Variants in GALNT18 observed in about 807,000 individuals in gnomAD.
GALNT18 encodes GalNAc-transferase 18.
A neutral mutation model predicts 69.5 loss-of-function variants in GALNT18; 44 were observed. That is an observed-to-expected ratio of 0.63 (90% CI 0.50 to 0.81). The LOEUF (loss-of-function observed/expected upper bound fraction) is 0.81. Among genes scored for constraint, GALNT18 ranks in the 40% least tolerant of loss-of-function variants. The pLI, the probability that GALNT18 is intolerant of heterozygous loss-of-function variation, is 0.00. For missense variants in GALNT18, 715 were observed against 810.0 expected (o/e 0.88, Z 1.42); for synonymous variants, 364 against 318.2 (o/e 1.14, Z -1.53).
chr11:11,324,561 C>G (rs1849886572), intron 9 of GALNT18, among the ~76,000 whole-genome samples: 1 of 152,170 alleles, frequency 6.6e-6, no homozygotes, highest in Admixed American at 6.5e-5. Flanking sequence ...ACATCCATGC[C>G]AACATCTATT....
intron 1 of GALNT18, among the ~76,000 whole-genome samples, chr11:11,578,774 A>G (rs1858995886): frequency 1.3e-5 from 2 of 152,218 alleles, no homozygotes; most frequent in Non-Finnish European, 2.9e-5. Context: ...CTCCTGCTGC[A>G]TTAGCAAAAT....
At chr11:11,335,821 T>A (rs1185254813) in intron 7 of GALNT18, among the ~76,000 whole-genome samples, 1 of 152,088 alleles carries the variant, frequency 6.6e-6, no homozygotes, top group Non-Finnish European at 1.5e-5. Context: ...AGGGACCCCC[T>A]CAGGGCCACC....
intron 1 of GALNT18, among the ~76,000 whole-genome samples, chr11:11,561,335 C>T (rs943484573): frequency 6.9e-6 from 1 of 145,006 alleles, no homozygotes; most frequent in Non-Finnish European, 1.5e-5. Flanking sequence ...AGAAAACCAA[C>T]ACTTCTCCAA....
chr11:11,362,407 T>C (rs893877940), intron 6 of GALNT18, among the ~76,000 whole-genome samples: 1 of 151,820 alleles, frequency 6.6e-6, no homozygotes, highest in South Asian at 2.1e-4. Flanking sequence ...TCAAGACAAG[T>C]AATAAACTGG....
chr11:11,464,873 G>A (rs79206294), intron 1 of GALNT18, among the ~76,000 whole-genome samples: 2,964 of 152,258 alleles, frequency 0.019, 94 homozygotes, highest in African/African-American at 0.066. Flanking sequence ...TGGGGTTATT[G>A]TGAGGACTGA....
At chr11:11,501,809 G>A (rs1009403323) in intron 1 of GALNT18, among the ~76,000 whole-genome samples, 9 of 152,186 alleles carry the variant, frequency 5.9e-5, no homozygotes, top group Non-Finnish European at 8.8e-5. Flanking sequence ...TCCAAGTTGC[G>A]AAGATGCCTG....
chr11:11,281,963 C>T (rs538686122), intron 10 of GALNT18, among the ~76,000 whole-genome samples: 5 of 152,020 alleles, frequency 3.3e-5, no homozygotes, highest in Admixed American at 1.3e-4. Context: ...GGTGGGGCAT[C>T]GCTGAGCAGA....
chr11:11,275,389 G>C (rs1284417728), intron 10 of GALNT18, among the ~76,000 whole-genome samples: 1 of 152,146 alleles, frequency 6.6e-6, no homozygotes, highest in Non-Finnish European at 1.5e-5. Context: ...AGATGGGGTT[G>C]TTTGTTTCTT....
rs1427968578 is a variant in GALNT18 at position 11,413,969 on chromosome 11, T to G, written c.595+18652A>C. 6.6e-6 allele frequency among the ~76,000 whole-genome samples: 1 copy of G among 152,234 alleles called. No homozygotes were observed. The highest frequency in any genetic ancestry group is 1.5e-5 in the Non-Finnish European group (1 of 68,042). On this transcript the variant is annotated intron_variant, in intron 3 of 10. Transcript: ENST00000227756. The surrounding 1 kb of genome is among the most constrained non-coding windows in gnomAD (Gnocchi z 4.7). ...TTACTCACCAAACCTGTTCTTCCTC[T>G]AATTCTGTCTGGCCCATCTTGCAAA...
chr11:11,594,683 T>C (rs993767749), intron 1 of GALNT18, among the ~76,000 whole-genome samples: 12 of 152,048 alleles, frequency 7.9e-5, no homozygotes, highest in African/African-American at 2.4e-4. Flanking sequence ...TCCATAGATA[T>C]ACCATATTTG....
chr11:11,388,958 A>C (rs536125945), intron 3 of GALNT18, among the ~76,000 whole-genome samples: 2 of 152,172 alleles, frequency 1.3e-5, no homozygotes, highest in African/African-American at 2.4e-5. Context: ...CCATAATGCT[A>C]CTCAAGGTAG....
chr11:11,297,085 T>A (rs1849415112), intron 9 of GALNT18, among the ~76,000 whole-genome samples: 1 of 152,108 alleles, frequency 6.6e-6, no homozygotes, highest in Non-Finnish European at 1.5e-5. Context: ...CTGGAATGCC[T>A]GGAGACATTT....
intron 1 of GALNT18, among the ~76,000 whole-genome samples, chr11:11,553,991 C>T (rs1858265951): frequency 6.6e-6 from 1 of 152,192 alleles, no homozygotes; most frequent in Non-Finnish European, 1.5e-5. Context: ...TTACTGCTCC[C>T]CTTCTGCACT....
rs1217626229 is a variant in GALNT18, at chr11:11,272,550, G to A, written c.1678-1260C>T. On this transcript the variant is annotated intron_variant, in intron 10 of 10. Transcript: ENST00000227756. ...ATCCTTCCCCAGCTCCATGACTTTTGCTGCAGCCACATCAAATCCCTTGTA... is the reference window on the plus strand; with the variant it reads ...ATCCTTCCCCAGCTCCATGACTTTTACTGCAGCCACATCAAATCCCTTGTA... Among the ~76,000 whole-genome samples, 12 of 152,154 alleles carry A rather than the reference G, an allele frequency of 7.9e-5. No homozygotes were observed. In the East Asian group the frequency reaches 2.3e-3, roughly 29 times the overall value.
intron 1 of GALNT18, among the ~76,000 whole-genome samples, chr11:11,579,926 C>T (rs1859033888): frequency 6.6e-6 from 1 of 152,148 alleles, no homozygotes; most frequent in South Asian, 2.1e-4. Flanking sequence ...CTATAAAATG[C>T]CTTCAGAAAA....
At position 11,578,330 on chromosome 11, in the gene GALNT18, C is replaced by CAAAAAAAA. The variant is rs57579910; in HGVS notation, c.235+43021_235+43028dup. On this transcript the variant is annotated intron_variant, in intron 1 of 10. Transcript: ENST00000227756. ...AGGAGCCGAAAAACATAAAAAGAAC[C>CAAAAAAAA]AAAAAAAAAAAAAAAAAACTCAATA... Among the ~76,000 whole-genome samples, 476 of 120,500 alleles carry CAAAAAAAA rather than the reference C, an allele frequency of 4.0e-3. 4 individuals carry two copies. The highest frequency in any genetic ancestry group is 0.016 in the African/African-American group (447 of 28,148). The allele number at this position is 120,500 out of a possible 152,430, so 79.1% of individuals were successfully genotyped here.
In GALNT18 at chr11:11,543,415, C is replaced by T. The variant is rs533298130; in HGVS notation, c.235+77944G>A. The stretch of plus-strand genomic sequence containing the variant: ...AAAGGAGCCTCGATGGAGACCCACT[C>T]TGGAACTGGATATGCCACCCATTTT... On this transcript the variant is annotated intron_variant, in intron 1 of 10. Coordinates refer to ENST00000227756, the MANE Select transcript of GALNT18 (RefSeq NM_198516.3). This position sits in a 1 kb window ranked among gnomAD's most constrained non-coding sequence, Gnocchi z 5.1. 1.4e-4 allele frequency among the ~76,000 whole-genome samples: 22 copies of T among 152,324 alleles called. No homozygotes were observed. In the South Asian group the frequency reaches 4.6e-3, roughly 32 times the overall value.
intron 9 of GALNT18, among the ~76,000 whole-genome samples, chr11:11,326,138 G>A (rs796294077): frequency 4.7e-5 from 7 of 149,326 alleles, no homozygotes; most frequent in African/African-American, 7.4e-5. Flanking sequence ...TCTGCCTCCC[G>A]GGTTCACGCC....
rs575717010 is a variant in GALNT18, at chr11:11,281,272, G to A, written c.1678-9982C>T. 2.0e-5 allele frequency among the ~76,000 whole-genome samples: 3 copies of A among 152,334 alleles called. No homozygotes were observed. The South Asian group carries it at 6.2e-4, about 32-fold the overall frequency. ...GCGGTTAGCTGTGTGGCCTGGGCAA[G>A]CCTCTCCCCACTTCTGGTTTCATTG... On this transcript the variant is annotated intron_variant, in intron 10 of 10. Coordinates refer to ENST00000227756, the MANE Select transcript of GALNT18 (RefSeq NM_198516.3).
Sources: gnomAD v4.1 joint callset for allele counts (sites outside exome capture counted in the v4.1 genomes callset) on GRCh38, gnomAD v4.1.1 for gene constraint, Gnocchi (gnomAD v3.1) non-coding constraint, MANE v1.5 for transcripts, NCBI Gene and HGNC (gene_info 2026-07-23, HGNC 2026-07-21) for gene names.